The following ARSL variants were observed in gnomAD, a reference collection of about 807,000 sequenced individuals.
The protein encoded by ARSL is arylsulfatase E (chondrodysplasia punctata 1).
A neutral mutation model predicts 31.1 loss-of-function variants in ARSL; 4 were observed. The observed-to-expected ratio is 0.13, with a 90% CI of 0.06 to 0.29. The LOEUF is 0.29. Ranked by LOEUF, ARSL falls within the 10% of genes least tolerant of loss-of-function variation. The pLI, the probability that ARSL is intolerant of heterozygous loss-of-function variation, is 1.00. For missense variants in ARSL, 312 were observed against 497.8 expected (o/e 0.63, Z 3.55); for synonymous variants, 198 against 209.9 (o/e 0.94, Z 0.49).
intron 6 of ARSL, among the ~76,000 whole-genome samples, chrX:2,946,770 A>C (rs973012045): frequency 2.7e-5 from 3 of 110,168 alleles, no homozygotes; most frequent in African/African-American, 9.9e-5. Flanking sequence ...CCCAGGTTCA[A>C]GCAATTCTCC....
upstream of ARSL, among the ~76,000 whole-genome samples, chrX:2,966,741 C>A (rs1361433492): frequency 9.2e-6 from 1 of 108,897 alleles, no homozygotes; most frequent in Non-Finnish European, 1.9e-5. Flanking sequence ...TATATATGTA[C>A]ATATATGTAT....
In ARSL at chrX:2,935,689, TTTC is replaced by T. The variant is rs1184036791; in HGVS notation, c.1412-502_1412-500del. On this transcript the variant is annotated intron_variant, in intron 10 of 10. Coordinates refer to ENST00000381134, the MANE Select transcript of ARSL (RefSeq NM_000047.3). ...AGTTTTTTCTTTTCTTTTCTTTTCT[TTTC>T]TTTTTTTTTTTTTTTATTTGAGACA... is the stretch of plus-strand genomic sequence containing the variant. 7.9e-3 allele frequency among the ~76,000 whole-genome samples: 310 copies of T among 39,178 alleles called. 6 individuals are homozygous for T. In the East Asian group the frequency reaches 0.33, roughly 41 times the overall value. 34.0% of individuals were successfully genotyped at this position (39,178 alleles called of 115,157 possible).
chrX:2,958,615 G>C (rs1340644132), intron 2 of ARSL, among the ~76,000 whole-genome samples, 180 bp from the exon 3 acceptor site: 2 of 112,071 alleles, frequency 1.8e-5, no homozygotes, highest in Non-Finnish European at 3.8e-5. Context: ...ACCGTTGATG[G>C]CTTTATTTGG....
chrX:2,949,529 G>A lies in ARSL; in HGVS notation c.629C>T (p.Thr210Ile), dbSNP rs1384560558. The stretch of plus-strand genomic sequence containing the variant: ...GTGTGTGAGCTTCCCTGCTACCAGT[G>A]TGAGGGCAACCAAGGCCAGGACTTG... ...LFQVLALVAL[T>I]LVAGKLTHLI... Residue 210 changes from threonine to isoleucine, a missense_variant, in exon 6 of 11, where the codon ACA becomes ATA. Coordinates refer to ENST00000381134, the MANE Select transcript of ARSL (RefSeq NM_000047.3). 8.3e-7 allele frequency: 1 copy of A among 1,208,877 alleles called. No homozygotes were observed. The highest frequency in any genetic ancestry group is 1.1e-6 in the Non-Finnish European group (1 of 895,016).
chrX:2,962,267 T>C (rs971041602), intron 1 of ARSL, among the ~76,000 whole-genome samples: 2 of 111,927 alleles, frequency 1.8e-5, no homozygotes, highest in African/African-American at 6.5e-5. Flanking sequence ...TGGCTCAGAA[T>C]AAATCTCTTC....
chrX:2,944,510 C>T (rs2089343053), intron 7 of ARSL, among the ~76,000 whole-genome samples: 1 of 106,326 alleles, frequency 9.4e-6, no homozygotes, highest in Non-Finnish European at 1.9e-5. Flanking sequence ...GAGACCCTGC[C>T]ACACACACAC....
At chrX:2,959,537 G>C (rs2089573628) in intron 2 of ARSL, 3 of 1,109,273 alleles carry the variant, frequency 2.7e-6, no homozygotes, top group Non-Finnish European at 3.5e-6. Flanking sequence ...AAGGTTTGTA[G>C]TAGGGGAAAC....
rs190769960 is a variant in ARSL at position 2,940,162 on chromosome X, C to T, written c.1127-1905G>A. Among the ~76,000 whole-genome samples the T allele has an allele frequency of 5.2e-3, 576 of 110,332 alleles. 1 individual carries two copies. Among genetic ancestry groups the T allele is most frequent in the Non-Finnish European group, 7.7e-3 (409 of 52,823 alleles). On this transcript the variant is annotated intron_variant, in intron 8 of 10. Transcript: ENST00000381134. ...GGATTACAGGTGAGAGCCACTGCGCCTGGCCTTATCCTTCTTGGATGCATT... is the reference window on the plus strand; with the variant it reads ...GGATTACAGGTGAGAGCCACTGCGCTTGGCCTTATCCTTCTTGGATGCATT...
intron 10 of ARSL, among the ~76,000 whole-genome samples, chrX:2,936,088 C>T (rs773596606): frequency 4.8e-4 from 53 of 110,543 alleles, no homozygotes; most frequent in Non-Finnish European, 9.6e-4. Context: ...CATCCCAGCA[C>T]TTTGGGAGGC....
chrX:2,964,362 G>A (rs952182041), upstream of ARSL: 182 of 752,271 alleles, frequency 2.4e-4, no homozygotes, highest in Non-Finnish European at 2.7e-4. Flanking sequence ...TTTTTCCCAA[G>A]TCAGAAGATC....
At chrX:2,964,606 C>T (rs773015968), upstream of ARSL, 13 of 273,259 alleles carry the variant, frequency 4.8e-5, no homozygotes, top group African/African-American at 8.9e-5. Flanking sequence ...TGTGAGTCAC[C>T]GTATTCTGCC....
chrX:2,959,834 T>C (rs1230699930), intron 2 of ARSL: 1 of 694,846 alleles, frequency 1.4e-6, no homozygotes, highest in East Asian at 3.8e-5. Context: ...GGTGGGAGCA[T>C]TGCCTGAGCC....
chrX:2,955,313 A>AG (rs1235432203), intron 4 of ARSL, 103 bp downstream of exon 4: 1 of 1,002,812 alleles, frequency 1.0e-6, no homozygotes, highest in African/African-American at 1.9e-5. Context: ...AACACCCCCC[A>AG]GTCTCTATTT....
intron 10 of ARSL, among the ~76,000 whole-genome samples, chrX:2,935,702 T>TA (rs1433468629): frequency 4.8e-5 from 5 of 104,973 alleles, no homozygotes; most frequent in Admixed American, 3.0e-4. Context: ...CTTTTTTTTT[T>TA]TTTTTATTTG....
At chrX:2,935,692 C>T (rs6642072) in intron 10 of ARSL, among the ~76,000 whole-genome samples, 6,263 of 38,761 alleles carry the variant, frequency 0.16, 333 homozygotes, top group East Asian at 0.34. Flanking sequence ...CTTTTCTTTT[C>T]TTTTTTTTTT....
At chrX:2,937,504 G>A (rs748335758) in intron 9 of ARSL, among the ~76,000 whole-genome samples, 8 of 111,216 alleles carry the variant, frequency 7.2e-5, no homozygotes, top group Non-Finnish European at 1.3e-4. Flanking sequence ...CTTGAAGCGC[G>A]ATAAAATAAT....
At chrX:2,968,215 C>T (rs1177137175), upstream of ARSL, 6 of 1,137,894 alleles carry the variant, frequency 5.3e-6, no homozygotes, top group Non-Finnish European at 7.0e-6. Context: ...TTGGAAGAAA[C>T]GTCTTCTTCC....
chrX:2,941,247 C>CTTTTTT (rs200569564), intron 8 of ARSL, among the ~76,000 whole-genome samples: 3 of 80,587 alleles, frequency 3.7e-5, no homozygotes, highest in African/African-American at 5.5e-5. Context: ...TGTCCACAAT[C>CTTTTTT]TTTTTTTTTT....
At chrX:2,967,803 C>G (rs1360156962), upstream of ARSL, among the ~76,000 whole-genome samples, 2 of 111,475 alleles carry the variant, frequency 1.8e-5, no homozygotes, top group Admixed American at 9.6e-5. Context: ...GGGCCCTGTT[C>G]CCAAACCCAG....
Sources: gnomAD v4.1 joint callset for allele counts (sites outside exome capture counted in the v4.1 genomes callset) on GRCh38, gnomAD v4.1.1 for gene constraint, MANE v1.5 for transcripts, NCBI Gene and HGNC (gene_info 2026-07-23, HGNC 2026-07-21) for gene names.